The following AKAP12 variants were observed in gnomAD, a reference collection of about 807,000 sequenced individuals.
AKAP12 encodes the protein A-kinase anchor protein 12.
A neutral mutation model predicts 79.9 loss-of-function variants in AKAP12; 32 were observed. That is an observed-to-expected ratio of 0.40 (90% CI 0.30 to 0.54). The LOEUF is 0.54. Among genes scored for constraint, AKAP12 ranks in the 20% least tolerant of loss-of-function variants. AKAP12 has a pLI of 0.48. For synonymous variants in AKAP12, 808 were observed against 857.0 expected (o/e 0.94, Z 1.00); for missense variants, 2,074 against 2,177.0 (o/e 0.95, Z 0.94).
At chr6:151,355,459 T>C (rs1181589124) in intron 4 of AKAP12, among the ~76,000 whole-genome samples, 1 of 152,092 alleles carries the variant, frequency 6.6e-6, no homozygotes. Flanking sequence ...CATGCCACCA[T>C]GCCCAGCTTA....
intron 2 of AKAP12, among the ~76,000 whole-genome samples, chr6:151,252,732 GAAAAAA>G (rs1185564468): frequency 1.9e-4 from 18 of 95,814 alleles, no homozygotes; most frequent in African/African-American, 5.6e-4. Flanking sequence ...CTGTCTCTGG[GAAAAAA>G]AAAAAAAAAA....
Position 151,358,088 on chromosome 6 carries a change from CAAG to C in AKAP12, c.*2380_*2382del, listed in dbSNP as rs560179569. Reference sequence around the variant, plus strand: ...ATGTCCGTTGAGAACATTATTTTAACAAGAAGAACACCAACAGTAGCATGAAAT... The same window carrying C: ...ATGTCCGTTGAGAACATTATTTTAACAAGAACACCAACAGTAGCATGAAAT... On this transcript the variant is annotated 3_prime_UTR_variant, in exon 5 of 5. Transcript: ENST00000402676. 8 of 152,274 alleles carry C rather than the reference CAAG, an allele frequency of 5.3e-5. No individual in the cohort carries two copies. Among genetic ancestry groups the C allele is most frequent in the Non-Finnish European group, 8.8e-5 (6 of 68,028 alleles). The allele number at this position is 152,274 out of a possible 1,614,324, so 9.4% of individuals were successfully genotyped here.
chr6:151,337,972 G>A (rs1014309627), intron 3 of AKAP12, among the ~76,000 whole-genome samples: 8 of 152,204 alleles, frequency 5.3e-5, no homozygotes, highest in African/African-American at 1.9e-4. Context: ...TGGAAGCGGA[G>A]GCTGCAGTGA....
intron 2 of AKAP12, among the ~76,000 whole-genome samples, chr6:151,290,004 G>A (rs992766792): frequency 3.3e-5 from 5 of 152,138 alleles, no homozygotes; most frequent in South Asian, 2.1e-4. Context: ...ATACACTTTC[G>A]TGTTTAGAAG....
Position 151,240,561 on chromosome 6 carries a change from C to A in AKAP12, c.-2C>A. ...TAGGCGCGGGAGAAGTGCGGAGGAG[C>A]CATGGGCGCCGGGAGCTCCACCGAG... On this transcript the variant is annotated 5_prime_UTR_variant, in exon 2 of 5. Transcript: ENST00000402676. 1 of 1,442,902 alleles carries A rather than the reference C, an allele frequency of 6.9e-7. No homozygotes were observed. Among genetic ancestry groups the A allele is most frequent in the Non-Finnish European group, 9.1e-7 (1 of 1,104,250 alleles). The allele number at this position is 1,442,902 out of a possible 1,614,324, so 89.4% of individuals were successfully genotyped here. A position where few individuals can be genotyped will look rare whatever the true frequency, so the allele number is the denominator to read the frequency against.
intron 3 of AKAP12, among the ~76,000 whole-genome samples, chr6:151,309,206 G>A (rs907880458): frequency 6.6e-6 from 1 of 152,160 alleles, no homozygotes; most frequent in Non-Finnish European, 1.5e-5. Context: ...GTTGCTTCCA[G>A]AAATCAGAAT....
chr6:151,257,417 C>G (rs775582824), intron 2 of AKAP12, among the ~76,000 whole-genome samples: 1 of 152,182 alleles, frequency 6.6e-6, no homozygotes, highest in Non-Finnish European at 1.5e-5. Context: ...CTGCCTCAGC[C>G]TCCTGAGTAG....
Position 151,352,430 on chromosome 6 carries a change from GA to G in AKAP12, c.4041del (p.Ala1348GlnfsTer6). The part of the protein sequence containing the change: ...MVVQVEREKT[E>X]AEPTHVNEEK... Reference sequence around the variant, plus strand: ...AGTTCAAGTCGAAAGGGAGAAAACAGAAGCAGAGCCAACCCATGTGAATGAA... The same window carrying G: ...AGTTCAAGTCGAAAGGGAGAAAACAGAGCAGAGCCAACCCATGTGAATGAA... On this transcript the variant is annotated frameshift_variant, in exon 4 of 5. Coordinates refer to ENST00000402676, the MANE Select transcript of AKAP12 (RefSeq NM_005100.4). LOFTEE classifies it low-confidence loss of function (END_TRUNC). 3.7e-6 allele frequency: 6 copies of G among 1,614,202 alleles called. No individual in the cohort carries two copies. Among genetic ancestry groups the G allele is most frequent in the Non-Finnish European group, 5.1e-6 (6 of 1,180,032 alleles).
At chr6:151,338,455 A>AT (rs57653308) in intron 3 of AKAP12, among the ~76,000 whole-genome samples, 166 of 143,660 alleles carry the variant, frequency 1.2e-3, no homozygotes, top group Non-Finnish European at 1.7e-3. Context: ...TAGGTTACTC[A>AT]TTTTTTTTTT....
At chr6:151,296,716 G>A (rs1050764705) in intron 2 of AKAP12, among the ~76,000 whole-genome samples, 2 of 152,190 alleles carry the variant, frequency 1.3e-5, no homozygotes, top group Non-Finnish European at 2.9e-5. Flanking sequence ...GGTGGAGGTT[G>A]CAGTGAGCCG....
chr6:151,341,042 T>C (rs185461475), intron 3 of AKAP12, among the ~76,000 whole-genome samples: 1 of 141,956 alleles, frequency 7.0e-6, no homozygotes. Flanking sequence ...TTGTTTGTTT[T>C]TGTTTCTTTT....
At chr6:151,281,735 C>T (rs918707554) in intron 2 of AKAP12, among the ~76,000 whole-genome samples, 15 of 152,240 alleles carry the variant, frequency 9.9e-5, no homozygotes, top group Middle Eastern at 3.4e-3. Flanking sequence ...TGCTCTGTCA[C>T]CCAGGCTGGA....
rs546581047 is a variant in AKAP12, at chr6:151,344,492, G to A, written c.320-4219G>A. Among the ~76,000 whole-genome samples, 198 of 151,416 alleles carry A rather than the reference G, an allele frequency of 1.3e-3. 2 individuals are homozygous for A. Among genetic ancestry groups the A allele is most frequent in the African/African-American group, 4.3e-3 (179 of 41,530 alleles). ...AAACTCTAGGTCACACTCTTGCCCT[G>A]ACTTGGTTGGGTACCTCAGGCAGTT... On this transcript the variant is annotated intron_variant, in intron 3 of 4. Transcript: ENST00000402676.
chr6:151,292,908 T>C (rs956202801), intron 2 of AKAP12, among the ~76,000 whole-genome samples: 2 of 152,204 alleles, frequency 1.3e-5, no homozygotes, highest in Admixed American at 6.5e-5. Context: ...AGTTGTGTAG[T>C]GTTTAGCCAC....
At chr6:151,313,104 CTT>C (rs763332437) in intron 3 of AKAP12, among the ~76,000 whole-genome samples, 1 of 152,212 alleles carries the variant, frequency 6.6e-6, no homozygotes, top group Non-Finnish European at 1.5e-5. Context: ...CCAAGGCTCT[CTT>C]TCCTTTGTTG....
chr6:151,287,267 T>A (rs1776525098), intron 2 of AKAP12, among the ~76,000 whole-genome samples: 1 of 151,710 alleles, frequency 6.6e-6, no homozygotes, highest in Admixed American at 6.6e-5. Flanking sequence ...TTGATTTCAT[T>A]TTATTTTTCT....
intron 2 of AKAP12, among the ~76,000 whole-genome samples, chr6:151,259,822 C>T (rs1797383514): frequency 6.6e-6 from 1 of 151,910 alleles, no homozygotes; most frequent in South Asian, 2.1e-4. Context: ...AGTGATCCAC[C>T]TGCCTCAGCC....
At chr6:151,268,934 G>A (rs1375160388) in intron 2 of AKAP12, among the ~76,000 whole-genome samples, 5 of 135,582 alleles carry the variant, frequency 3.7e-5, no homozygotes, top group Non-Finnish European at 6.1e-5. Flanking sequence ...ATGAGCCACC[G>A]TGCTCGGCCT....
rs1778425119 is a variant in AKAP12, at chr6:151,355,740, CTGTT to C, written c.*29_*32del. 2.0e-5 allele frequency: 3 copies of C among 152,584 alleles called. No individual in the cohort carries two copies. Among genetic ancestry groups the C allele is most frequent in the South Asian group, 4.1e-4 (2 of 4,830 alleles). The allele number at this position is 152,584 out of a possible 1,614,324, so 9.5% of individuals were successfully genotyped here. ...CTCCTCCTACAGTTAAACTCATTGT[CTGTT>C]TGGAAGACCAGAATGTGAAGACAAG... On this transcript the variant is annotated 3_prime_UTR_variant, in exon 5 of 5. Coordinates refer to ENST00000402676, the MANE Select transcript of AKAP12 (RefSeq NM_005100.4).
Sources: allele counts gnomAD v4.1 joint callset (sites outside exome capture counted in the v4.1 genomes callset), GRCh38; gene constraint gnomAD v4.1.1; transcripts MANE v1.5; gene names NCBI Gene and HGNC (gene_info 2026-07-23, HGNC 2026-07-21).